The following TLCD4 variants were observed in gnomAD, a reference collection of about 807,000 sequenced individuals.
TLCD4 encodes TLC domain containing 4, also known as TLC domain-containing protein 4.
TLCD4 carries 7 observed loss-of-function variants against 24.2 expected under a neutral mutation model. That is an observed-to-expected ratio of 0.29 (90% CI 0.16 to 0.54). The LOEUF (loss-of-function observed/expected upper bound fraction) is 0.54, where lower values mean the gene tolerates loss of function less well. Ranked by LOEUF, TLCD4 falls within the 20% of genes least tolerant of loss-of-function variation. TLCD4 has a pLI of 0.95. For missense variants in TLCD4, 259 were observed against 313.9 expected (o/e 0.82, Z 1.32); for synonymous variants, 103 against 106.4 (o/e 0.97, Z 0.20).
the TLCD4 span, among the ~76,000 whole-genome samples, chr1:95,111,483 C>CA: frequency 6.6e-6 from 1 of 151,950 alleles, no homozygotes; most frequent in Non-Finnish European, 1.5e-5. Context: ...GTATTCTTTG[C>CA]AAAATGACAT....
At chr1:95,107,792 C>T in the TLCD4 span, among the ~76,000 whole-genome samples, 1 of 152,052 alleles carries the variant, frequency 6.6e-6, no homozygotes, top group Non-Finnish European at 1.5e-5. Flanking sequence ...AACAGTGATA[C>T]TCTAGTATTA....
chr1:95,100,290 G>A, the TLCD4 span, among the ~76,000 whole-genome samples: 5 of 150,306 alleles, frequency 3.3e-5, no homozygotes, highest in African/African-American at 4.9e-5. Context: ...ATCCTGCATT[G>A]CTGGCTGGGT....
chr1:95,144,654 A>G (rs1353878282), intron 2 of TLCD4, among the ~76,000 whole-genome samples: 1 of 151,896 alleles, frequency 6.6e-6, no homozygotes, highest in Non-Finnish European at 1.5e-5. Flanking sequence ...ATTGATATAG[A>G]AATCTGCTGG....
chr1:95,114,385 A>G (rs1676390731), upstream of TLCD4, among the ~76,000 whole-genome samples: 1 of 152,228 alleles, frequency 6.6e-6, no homozygotes, highest in Admixed American at 6.5e-5. Context: ...CTAACAGAGC[A>G]GAGTGGAGAA....
intron 5 of TLCD4, chr1:95,163,426 T>C (rs1677898637): frequency 6.6e-6 from 1 of 151,756 alleles, no homozygotes; most frequent in South Asian, 2.1e-4. Flanking sequence ...TTTTTAGCTT[T>C]TTTGCGATGG....
Position 95,154,110 on chromosome 1 carries a change from T to G in TLCD4, c.399+2691T>G, listed in dbSNP as rs75289356. 3.5e-3 allele frequency among the ~76,000 whole-genome samples: 533 copies of G among 152,296 alleles called. 3 individuals are homozygous for G. Among genetic ancestry groups the G allele is most frequent in the African/African-American group, 0.012 (508 of 41,584 alleles). On this transcript the variant is annotated intron_variant, in intron 5 of 6. Transcript: ENST00000370203. ...GTAGGAGCTTGCACTAAATAATCTT[T>G]AAGGTTCTATTCTAATTCTGAGATT...
Position 95,176,580 on chromosome 1 carries a change from C to A in TLCD4, c.473+2691C>A, listed in dbSNP as rs370332417. Among the ~76,000 whole-genome samples the A allele has an allele frequency of 2.8e-4, 42 of 152,312 alleles. No homozygotes were observed. In the East Asian group the frequency reaches 5.4e-3, roughly 20 times the overall value. On this transcript the variant is annotated intron_variant, in intron 6 of 6. Coordinates refer to ENST00000370203, the MANE Select transcript of TLCD4 (RefSeq NM_152487.3). The stretch of plus-strand genomic sequence containing the variant: ...CAAATACATGATTTGGAAATATTTT[C>A]ATCTATTCCATAGGTTGCTTTTTCA...
intron 6 of TLCD4, among the ~76,000 whole-genome samples, chr1:95,189,165 C>T (rs1678938823): frequency 6.6e-6 from 1 of 152,134 alleles, no homozygotes; most frequent in Non-Finnish European, 1.5e-5. Context: ...TTTATTTGTT[C>T]AGTCCTGATA....
chr1:95,093,508 C>A, the TLCD4 span, among the ~76,000 whole-genome samples: 1 of 152,224 alleles, frequency 6.6e-6, no homozygotes, highest in Non-Finnish European at 1.5e-5. Flanking sequence ...GAGGTACTGA[C>A]CTTGAGCTGG....
At chr1:95,182,964 G>A (rs1413236863) in intron 6 of TLCD4, among the ~76,000 whole-genome samples, 1 of 152,118 alleles carries the variant, frequency 6.6e-6, no homozygotes, top group Non-Finnish European at 1.5e-5. Flanking sequence ...ATGTCTTAGG[G>A]GTAGGGTGGA....
intron 5 of TLCD4, among the ~76,000 whole-genome samples, chr1:95,155,122 G>C (rs1677597116): frequency 6.6e-6 from 1 of 151,946 alleles, no homozygotes; most frequent in African/African-American, 2.4e-5. Flanking sequence ...ACTAGCAGTA[G>C]TAGGTGCATA....
upstream of TLCD4, among the ~76,000 whole-genome samples, chr1:95,113,109 C>A (rs1362990049): frequency 1.3e-5 from 2 of 149,590 alleles, no homozygotes; most frequent in African/African-American, 4.9e-5. Flanking sequence ...GTGGCGCGAT[C>A]TCGGCTCACT....
At chr1:95,112,573 A>G (rs1037003116), upstream of TLCD4, among the ~76,000 whole-genome samples, 34 of 152,348 alleles carry the variant, frequency 2.2e-4, no homozygotes, top group Admixed American at 9.1e-4. Context: ...CTAGAAAGGC[A>G]TTAGACATTT....
chr1:95,114,252 TACAA>T (rs1174310565), upstream of TLCD4, among the ~76,000 whole-genome samples: 1 of 152,114 alleles, frequency 6.6e-6, no homozygotes, highest in African/African-American at 2.4e-5. Context: ...CTTATAAAAC[TACAA>T]ACACTCTTAA....
At chr1:95,168,273 C>T (rs1678088202) in intron 5 of TLCD4, among the ~76,000 whole-genome samples, 1 of 152,130 alleles carries the variant, frequency 6.6e-6, no homozygotes, top group Non-Finnish European at 1.5e-5. Flanking sequence ...TTCTTTTAGA[C>T]TACATCCTAT....
intron 5 of TLCD4, among the ~76,000 whole-genome samples, chr1:95,156,739 G>A (rs1015525309): frequency 2.0e-5 from 3 of 152,066 alleles, no homozygotes; most frequent in Admixed American, 1.3e-4. Context: ...TTTCAGAGAA[G>A]GAAGGGAAAG....
At chr1:95,173,414 A>G (rs1678299977) in intron 5 of TLCD4, among the ~76,000 whole-genome samples, 1 of 151,466 alleles carries the variant, frequency 6.6e-6, no homozygotes, top group Non-Finnish European at 1.5e-5. Context: ...GGTTCACGCC[A>G]TTCTCCTGCC....
intron 1 of TLCD4, among the ~76,000 whole-genome samples, chr1:95,136,403 G>A (rs926935282): frequency 3.9e-5 from 6 of 152,034 alleles, no homozygotes; most frequent in Admixed American, 3.9e-4. Context: ...TTATGATTTG[G>A]ATTCATTATT....
intron 1 of TLCD4, among the ~76,000 whole-genome samples, chr1:95,132,056 T>C (rs1676910275): frequency 6.6e-6 from 1 of 152,220 alleles, no homozygotes; most frequent in African/African-American, 2.4e-5. Flanking sequence ...TTCTCCACTA[T>C]GTTATGACTT....
Sources: gnomAD v4.1 joint callset for allele counts (sites outside exome capture counted in the v4.1 genomes callset) on GRCh38, gnomAD v4.1.1 for gene constraint, MANE v1.5 for transcripts, NCBI Gene and HGNC (gene_info 2026-07-23, HGNC 2026-07-21) for gene names.